The following PCDH15 variants were observed in gnomAD, a reference collection of about 807,000 sequenced individuals.
PCDH15 encodes protocadherin-15.
In PCDH15, 129 loss-of-function variants were observed where a neutral mutation model predicts 178.5. That is an observed-to-expected ratio of 0.72 (90% CI 0.63 to 0.84). PCDH15 has a LOEUF of 0.84. Ranked by LOEUF, PCDH15 falls within the 40% of genes least tolerant of loss-of-function variation. The pLI is 0.00. For missense variants in PCDH15, 2,230 were observed against 2,099.9 expected, an observed-to-expected ratio of 1.06 and a Z score of -1.21; for synonymous variants, 800 against 732.0, an observed-to-expected ratio of 1.09 and a Z score of -1.50.
chr10:55,406,297 A>G (rs1838196531), intron 2 of PCDH15, among the ~76,000 whole-genome samples: 1 of 152,160 alleles, frequency 6.6e-6, no homozygotes, highest in Admixed American at 6.6e-5. Context: ...ACTTGTATAA[A>G]AGGTTATTCT....
At chr10:55,317,125 A>G (rs1843742583) in intron 1 of PCDH15, among the ~76,000 whole-genome samples, 1 of 152,170 alleles carries the variant, frequency 6.6e-6, no homozygotes, top group Non-Finnish European at 1.5e-5. Flanking sequence ...CAGATAGGGG[A>G]GGAGGGCATA....
At chr10:54,064,488 C>A (rs905606326) in intron 18 of PCDH15, among the ~76,000 whole-genome samples, 5 of 152,162 alleles carry the variant, frequency 3.3e-5, no homozygotes, top group Non-Finnish European at 7.3e-5. Flanking sequence ...AGGGACACCC[C>A]ACTTTCCACC....
intron 2 of PCDH15, among the ~76,000 whole-genome samples, chr10:55,604,734 G>A (rs370772251): frequency 8.9e-4 from 120 of 135,126 alleles, no homozygotes; most frequent in African/African-American, 2.9e-3. Flanking sequence ...TCTCTGGGAC[G>A]CATTCAAAGC....
intron 1 of PCDH15, among the ~76,000 whole-genome samples, chr10:55,210,989 G>A (rs1356612906): frequency 1.3e-5 from 2 of 151,984 alleles, no homozygotes; most frequent in African/African-American, 2.4e-5. Context: ...CCCTTGAAAC[G>A]TTTTTGATTT....
intron 2 of PCDH15, among the ~76,000 whole-genome samples, chr10:55,403,674 G>T (rs1371677989): frequency 1.3e-5 from 2 of 151,748 alleles, no homozygotes; most frequent in African/African-American, 4.8e-5. Context: ...TTCTCTATTG[G>T]TCTAGGTGTC....
At chr10:54,763,700 G>GT (rs1948163438) in intron 1 of PCDH15, among the ~76,000 whole-genome samples, 1 of 149,852 alleles carries the variant, frequency 6.7e-6, no homozygotes, top group South Asian at 2.1e-4. Context: ...TGGTATGCAT[G>GT]TATCAAAATA....
intron 2 of PCDH15, among the ~76,000 whole-genome samples, chr10:54,596,715 C>T (rs2092259353): frequency 6.6e-6 from 1 of 152,068 alleles, no homozygotes; most frequent in Non-Finnish European, 1.5e-5. Flanking sequence ...ATCTGACATG[C>T]AGTGATGCCC....
At chr10:54,176,860 C>T (rs2047489777) in intron 13 of PCDH15, among the ~76,000 whole-genome samples, 1 of 152,024 alleles carries the variant, frequency 6.6e-6, no homozygotes, top group South Asian at 2.1e-4. Flanking sequence ...AAGACAGCTT[C>T]TCAGTTTCTA....
intron 26 of PCDH15, among the ~76,000 whole-genome samples, chr10:53,894,843 A>G (rs1050734605): frequency 1.9e-4 from 29 of 152,310 alleles, no homozygotes; most frequent in African/African-American, 6.5e-4. Flanking sequence ...GATGGAGCAT[A>G]AAGTCTCACA....
chr10:55,032,046 G>C (rs1840623772), intron 2 of PCDH15, among the ~76,000 whole-genome samples: 2 of 152,092 alleles, frequency 1.3e-5, no homozygotes, highest in South Asian at 4.1e-4. Context: ...AGCCTCTATT[G>C]ATATAAACTG....
intron 3 of PCDH15, among the ~76,000 whole-genome samples, chr10:54,480,388 C>T (rs1190955470): frequency 2.0e-5 from 3 of 151,966 alleles, no homozygotes. Flanking sequence ...TTCTCTAGCA[C>T]TGGTGGGCCT....
At chr10:55,505,835 T>A (rs1002404751) in intron 2 of PCDH15, among the ~76,000 whole-genome samples, 4 of 151,426 alleles carry the variant, frequency 2.6e-5, no homozygotes, top group Non-Finnish European at 5.9e-5. Context: ...CTTAAGAGAA[T>A]TCTGTCCTGT....
chr10:55,393,175 T>C (rs934230230), intron 2 of PCDH15, among the ~76,000 whole-genome samples: 2 of 152,102 alleles, frequency 1.3e-5, no homozygotes, highest in African/African-American at 2.4e-5. Flanking sequence ...GTCAGACTGA[T>C]GGTCCTCAAA....
chr10:54,228,046 C>A (rs182073272), intron 9 of PCDH15, among the ~76,000 whole-genome samples: 3 of 152,272 alleles, frequency 2.0e-5, no homozygotes, highest in African/African-American at 7.2e-5. Flanking sequence ...CAGAGCCCTG[C>A]AAACTGTTCC....
At chr10:54,250,074 C>T (rs908388016) in intron 8 of PCDH15, among the ~76,000 whole-genome samples, 4 of 138,610 alleles carry the variant, frequency 2.9e-5, no homozygotes, top group African/African-American at 6.3e-5. Context: ...CCACCACATC[C>T]GGCTTTTTTT....
At chr10:53,951,570 A>G (rs1332750716) in intron 23 of PCDH15, among the ~76,000 whole-genome samples, 1 of 152,250 alleles carries the variant, frequency 6.6e-6, no homozygotes, top group Non-Finnish European at 1.5e-5. Context: ...AAGAGAAACA[A>G]TGCATGTGGA....
At chr10:54,629,756 GA>G (rs1565797166) in intron 2 of PCDH15, among the ~76,000 whole-genome samples, 2 of 151,680 alleles carry the variant, frequency 1.3e-5, no homozygotes, top group African/African-American at 2.4e-5. Flanking sequence ...TCAGGCAAAA[GA>G]AAAAAATACA....
chr10:54,245,107 A>G (rs1452409837), intron 8 of PCDH15, among the ~76,000 whole-genome samples: 1 of 152,212 alleles, frequency 6.6e-6, no homozygotes, highest in East Asian at 1.9e-4. Flanking sequence ...CAATCTCTCC[A>G]TATAAGGCCT....
Position 55,217,800 on chromosome 10 carries a change from A to C in PCDH15, c.-155-51149T>G, listed in dbSNP as rs114194485. Among the ~76,000 whole-genome samples the C allele has an allele frequency of 6.9e-3, 1,056 of 152,130 alleles. 12 individuals are homozygous for C. The highest frequency in any genetic ancestry group is 0.024 in the African/African-American group (984 of 41,496). On this transcript the variant is annotated intron_variant, in intron 1 of 5. Transcript: ENST00000458638. Reference sequence around the variant, plus strand: ...TTTGTACATAAATACTTAGCTAATCAAATGGTATTTTATGTCTTAATCAAG... The same window carrying C: ...TTTGTACATAAATACTTAGCTAATCCAATGGTATTTTATGTCTTAATCAAG...
Sources: gnomAD v4.1 joint callset for allele counts (sites outside exome capture counted in the v4.1 genomes callset) on GRCh38, gnomAD v4.1.1 for gene constraint, MANE v1.5 for transcripts, NCBI Gene and HGNC (gene_info 2026-07-23, HGNC 2026-07-21) for gene names.